GRIN3B: variants seen among roughly 807,000 people sequenced by gnomAD.
GRIN3B encodes the protein glutamate ionotropic receptor NMDA type subunit 3B, also known as glutamate receptor ionotropic, NMDA 3B.
GRIN3B carries 77 observed loss-of-function variants against 66.0 expected under a neutral mutation model. That is an observed-to-expected ratio of 1.17 (90% CI 0.97 to 1.41). The LOEUF (loss-of-function observed/expected upper bound fraction) is 1.41, where lower values mean the gene tolerates loss of function less well. Ranked by LOEUF, GRIN3B falls within the 40% of genes most tolerant of loss-of-function variation. GRIN3B has a pLI of 0.00. For missense variants in GRIN3B, 1,787 were observed against 1,564.5 expected (o/e 1.14, Z -2.40); for synonymous variants, 823 against 749.7 (o/e 1.10, Z -1.60).
chr19:1,008,040 C>T (rs2038777007), intron 5 of GRIN3B, 69 bp downstream of exon 5: 3 of 1,581,924 alleles, frequency 1.9e-6, no homozygotes, highest in African/African-American at 2.7e-5. Context: ...TGGGGAGCCA[C>T]GGAGGGTTCG....
At chr19:1,008,004 G>T (rs1377424815) in intron 5 of GRIN3B, 33 bp downstream of exon 5, 1 of 1,602,436 alleles carries the variant, frequency 6.2e-7, no homozygotes, top group South Asian at 1.1e-5. Context: ...GGGGCGCCGG[G>T]GTCTCTGGGG....
Position 1,009,513 on chromosome 19 carries a change from G to A in GRIN3B, c.3043G>A (p.Ala1015Thr). The change falls in exon 9 of 9, where the codon GCA becomes ACA. Residue 1015 changes from alanine to threonine, a missense_variant. Transcript: ENST00000234389. ...GCTCCTGGCACAGCTCGGGGACAGC[G>A]CACGTCACCGGCCTCGGCGCTTGCT... ...GQLLAQLGDS[A>T]RHRPRRLLQA... 1 of 1,492,560 alleles carries A rather than the reference G, an allele frequency of 6.7e-7. No homozygotes were observed. The highest frequency in any genetic ancestry group is 2.7e-5 in the East Asian group (1 of 37,316). 92.5% of individuals were successfully genotyped at this position (1,492,560 alleles called of 1,614,324 possible). A position where few individuals can be genotyped will look rare whatever the true frequency, so the allele number is the denominator to read the frequency against.
chr19:1,003,903 A>G (rs12978666), intron 2 of GRIN3B, among the ~76,000 whole-genome samples, 181 bp downstream of exon 2: 12,700 of 152,308 alleles, frequency 0.083, 916 homozygotes, highest in African/African-American at 0.2. Context: ...CCCGGCCAAC[A>G]TGGTGAAACC....
At chr19:1,004,159 A>G (rs985156200) in intron 2 of GRIN3B, among the ~76,000 whole-genome samples, 1 of 152,228 alleles carries the variant, frequency 6.6e-6, no homozygotes, top group African/African-American at 2.4e-5. Context: ...GAACTATCTC[A>G]GGGACAGCAG....
rs1336301390 is a variant in GRIN3B, at chr19:1,005,879, C to T, written c.2052+326C>T. Among the ~76,000 whole-genome samples, 2 of 152,034 alleles carry T rather than the reference C, an allele frequency of 1.3e-5. No individual in the cohort carries two copies. The highest frequency in any genetic ancestry group is 2.4e-5 in the African/African-American group (1 of 41,414). Reference sequence around the variant, plus strand: ...ATTAGCTGAGCATGGTGGTGGGCACCTGTAATCCCAGCTACTCGGGAGGCT... The same window carrying T: ...ATTAGCTGAGCATGGTGGTGGGCACTTGTAATCCCAGCTACTCGGGAGGCT... On this transcript the variant is annotated intron_variant, in intron 3 of 8. Transcript: ENST00000234389. The surrounding 1 kb of genome is among the most constrained non-coding windows in gnomAD (Gnocchi z 5.2).
chr19:1,006,876 T>C (rs2038754692), intron 3 of GRIN3B, among the ~76,000 whole-genome samples: 1 of 152,214 alleles, frequency 6.6e-6, no homozygotes, highest in South Asian at 2.1e-4. Flanking sequence ...ACAGGCACGA[T>C]GGGATTCAAG....
chr19:1,000,724 T>C lies in GRIN3B; in HGVS notation c.287T>C (p.Val96Ala). The C allele has an allele frequency of 7.0e-7, 1 of 1,426,882 alleles. No individual in the cohort carries two copies. The highest frequency in any genetic ancestry group is 9.2e-7 in the Non-Finnish European group (1 of 1,092,878). 88.4% of individuals were successfully genotyped at this position (1,426,882 alleles called of 1,614,324 possible). Residue 96 changes from valine (V) to alanine (A), a missense_variant, in exon 1 of 9, where the codon GTG becomes GCG. Transcript: ENST00000234389. ...SLTRGLCQALVPPGVAALLAF... is the reference protein window; with the variant it reads ...SLTRGLCQALAPPGVAALLAF... ...ACCCGCGGCCTGTGCCAGGCGCTGG[T>C]GCCTCCGGGCGTGGCGGCCCTGCTC...
In GRIN3B at chr19:1,007,782, G is replaced by A. The variant is rs767156355; in HGVS notation, c.2198+9G>A. 2.7e-6 allele frequency: 4 copies of A among 1,509,074 alleles called. No homozygotes were observed. In the African/African-American group the frequency reaches 4.3e-5, roughly 16 times the overall value. 93.5% of individuals were successfully genotyped at this position (1,509,074 alleles called of 1,614,324 possible). On this transcript the variant is annotated intron_variant, in intron 4 of 8. Transcript: ENST00000234389. This position sits in a 1 kb window ranked among gnomAD's most constrained non-coding sequence, Gnocchi z 4.4. ...GGCGTCGCCATGCTCACGTGAGCCC[G>A]GGCGCGGGGTGAGGCGGGGGCGGGG...
Position 1,005,114 on chromosome 19 carries a change from G to C in GRIN3B, c.1613G>C (p.Arg538Pro). The change falls in exon 3 of 9, where the codon CGC becomes CCC. Residue 538 changes from arginine (R) to proline (P), a missense_variant. Arg to Pro is a moderately radical substitution (Grantham distance 103). Transcript: ENST00000234389. The surrounding 1 kb of genome is among the most constrained non-coding windows in gnomAD (Gnocchi z 5.2). ...AVTSFSINSA[R>P]SQVVDFTSPF... ...ACCAGCTTCAGTATCAACTCCGCCCGCTCACAGGTGGTGGACTTCACCAGC... is the reference window on the plus strand; with the variant it reads ...ACCAGCTTCAGTATCAACTCCGCCCCCTCACAGGTGGTGGACTTCACCAGC... 1 of 1,613,070 alleles carries C rather than the reference G, an allele frequency of 6.2e-7. No individual in the cohort carries two copies. The highest frequency in any genetic ancestry group is 1.1e-5 in the South Asian group (1 of 91,074).
intron 2 of GRIN3B, 41 bp downstream of exon 2, chr19:1,003,763 C>T (rs980708370): frequency 2.2e-6 from 3 of 1,349,046 alleles, no homozygotes; most frequent in Non-Finnish European, 2.9e-6. Context: ...GTGTCCAGGC[C>T]ACTGAGTCTG....
intron 1 of GRIN3B, chr19:1,002,832 G>GCCGTGT: frequency 3.1e-6 from 1 of 319,956 alleles, no homozygotes; most frequent in Non-Finnish European, 5.8e-6. Flanking sequence ...GAGTTGGTGG[G>GCCGTGT]CATAGAGAGA....
In GRIN3B at chr19:1,007,726, G is replaced by T. The variant is rs570362912; in HGVS notation, c.2151G>T (p.Met717Ile). 2 of 1,530,146 alleles carry T rather than the reference G, an allele frequency of 1.3e-6. No homozygotes were observed. The highest frequency in any genetic ancestry group is 8.8e-7 in the Non-Finnish European group (1 of 1,139,794). 94.8% of individuals were successfully genotyped at this position (1,530,146 alleles called of 1,614,324 possible). The change falls in exon 4 of 9, where the codon ATG becomes ATT. Residue 717 changes from methionine to isoleucine, a missense_variant. Coordinates refer to ENST00000234389, the MANE Select transcript of GRIN3B (RefSeq NM_138690.3). The surrounding 1 kb of genome is among the most constrained non-coding windows in gnomAD (Gnocchi z 4.4). ...GCTTCCCCGACATGCACGCACACAT[G>T]CGGCGCCACAGCGCGCCCACCACGC... Reference protein sequence around the residue: ...KKSFPDMHAHMRRHSAPTTPR... With the variant: ...KKSFPDMHAHIRRHSAPTTPR...
chr19:1,007,823 G>A lies in GRIN3B; in HGVS notation c.2199-33G>A, dbSNP rs747361306. The A allele has an allele frequency of 1.9e-6, 3 of 1,566,078 alleles. No individual in the cohort carries two copies. Among genetic ancestry groups the A allele is most frequent in the Non-Finnish European group, 2.6e-6 (3 of 1,155,730 alleles). ...GGGGGCGGGGCGTGGGGTGGGCGGG[G>A]CGATGGCTGACCCCCGCCCCCGGCC... On this transcript the variant is annotated intron_variant, in intron 4 of 8. Transcript: ENST00000234389. The surrounding 1 kb of genome is among the most constrained non-coding windows in gnomAD (Gnocchi z 4.4).
chr19:1,005,286 C>G lies in GRIN3B; in HGVS notation c.1785C>G (p.Tyr595Ter), dbSNP rs770764248. 3 of 1,613,604 alleles carry G rather than the reference C, an allele frequency of 1.9e-6. No individual in the cohort carries two copies. The highest frequency in any genetic ancestry group is 1.1e-5 in the South Asian group (1 of 91,090). The change falls in exon 3 of 9, where the codon TAC (tyrosine) becomes TAG (stop). Residue 595 changes from tyrosine to a stop codon, truncating the protein, a stop_gained. Coordinates refer to ENST00000234389, the MANE Select transcript of GRIN3B (RefSeq NM_138690.3). LOFTEE classifies it high-confidence loss of function. The surrounding 1 kb of genome is among the most constrained non-coding windows in gnomAD (Gnocchi z 5.2). ...TCACCGCGCTCTTCCTCACCGTGTA[C>G]GAGTGGCGTAGCCCCTACGGCCTCA... ...LHLTALFLTV[Y>*]EWRSPYGLTP...
Position 1,009,677 on chromosome 19 carries a change from A to G in GRIN3B, c.*75A>G, listed in dbSNP as rs1378725367. ...CCGCTGTCAACAGACAGTTTATTCTATATACAAACACAATTTTGTACACTG... is the reference window on the plus strand; with the variant it reads ...CCGCTGTCAACAGACAGTTTATTCTGTATACAAACACAATTTTGTACACTG... On this transcript the variant is annotated 3_prime_UTR_variant, in exon 9 of 9. Transcript: ENST00000234389. 44 of 1,178,700 alleles carry G rather than the reference A, an allele frequency of 3.7e-5. No individual in the cohort carries two copies. In the Middle Eastern group the frequency reaches 9.0e-4, roughly 24 times the overall value. 73.0% of individuals were successfully genotyped at this position (1,178,700 alleles called of 1,614,324 possible). A position where few individuals can be genotyped will look rare whatever the true frequency, so the allele number is the denominator to read the frequency against.
chr19:1,004,383 G>A, intron 2 of GRIN3B, 138 bp from the exon 3 acceptor site: 1 of 742,498 alleles, frequency 1.3e-6, no homozygotes. Flanking sequence ...CTAGGCTTGG[G>A]GACACCAGGA....
At position 1,003,212 on chromosome 19, in the gene GRIN3B, C is replaced by G. The variant is rs1209457193; in HGVS notation, c.509C>G (p.Ala170Gly). The stretch of plus-strand genomic sequence containing the variant: ...CTGGTGGCGGTGCTGCAGGCGCACG[C>G]CTGGGAAGACGTCGGCCTGGCCCTG... Reference protein sequence around the residue: ...DVLVAVLQAHAWEDVGLALCR... With the variant: ...DVLVAVLQAHGWEDVGLALCR... The change falls in exon 2 of 9, where the codon GCC becomes GGC. Residue 170 changes from alanine to glycine, a missense_variant. Physicochemically the swap from Ala to Gly is moderately conservative, Grantham distance 60. Coordinates refer to ENST00000234389, the MANE Select transcript of GRIN3B (RefSeq NM_138690.3). The G allele has an allele frequency of 1.9e-6, 3 of 1,565,390 alleles. No individual in the cohort carries two copies. Among genetic ancestry groups the G allele is most frequent in the Non-Finnish European group, 8.6e-7 (1 of 1,157,230 alleles).
Position 1,000,463 on chromosome 19 carries a change from TGGGCCTGGCGCTGGCGCTGGGGCC to T in GRIN3B, c.30_53del (p.Leu11_Gly18del), listed in dbSNP as rs2038669380. 8.3e-7 allele frequency: 1 copy of T among 1,210,324 alleles called. No homozygotes were observed. Among genetic ancestry groups the T allele is most frequent in the Admixed American group, 4.4e-5 (1 of 22,932 alleles). 75.0% of individuals were successfully genotyped at this position (1,210,324 alleles called of 1,614,324 possible). On this transcript the variant is annotated inframe_deletion, in exon 1 of 9. Coordinates refer to ENST00000234389, the MANE Select transcript of GRIN3B (RefSeq NM_138690.3). ...ATGGAGTTTGTGCGGGCGCTGTGGC[TGGGCCTGGCGCTGGCGCTGGGGCC>T]GGGGTCCGCGGGGGGCCACCCTCAG...
Position 1,000,842 on chromosome 19 carries a change from G to T in GRIN3B, c.405G>T (p.Ala135=). The part of the protein sequence containing the change: ...TPVLSLLRRE[A]RAPLGAPNPF... ...TGCTCAGCCTGCTGCGGCGGGAGGC[G>T]CGCGCGCCCCTCGGAGCCCCGGTAC... The change falls in exon 1 of 9, where the codon GCG becomes GCT. Residue 135 remains alanine, a synonymous_variant. Coordinates refer to ENST00000234389, the MANE Select transcript of GRIN3B (RefSeq NM_138690.3). 1 of 1,429,252 alleles carries T rather than the reference G, an allele frequency of 7.0e-7. No individual in the cohort carries two copies. Among genetic ancestry groups the T allele is most frequent in the African/African-American group, 1.5e-5 (1 of 66,658 alleles). The allele number at this position is 1,429,252 out of a possible 1,614,324, so 88.5% of individuals were successfully genotyped here. A position where few individuals can be genotyped will look rare whatever the true frequency, so the allele number is the denominator to read the frequency against.
Sources: gnomAD v4.1 joint callset for allele counts (sites outside exome capture counted in the v4.1 genomes callset) on GRCh38, gnomAD v4.1.1 for gene constraint, Gnocchi (gnomAD v3.1) non-coding constraint, MANE v1.5 for transcripts, NCBI Gene and HGNC (gene_info 2026-07-23, HGNC 2026-07-21) for gene names.